The following GFRA2 variants were observed in gnomAD, a reference collection of about 807,000 sequenced individuals.
The protein encoded by GFRA2 is GDNF family receptor alpha-2.
Under a neutral mutation model 48.3 loss-of-function variants are expected in GFRA2, and 17 were observed. That is an observed-to-expected ratio of 0.35 (90% confidence interval 0.24 to 0.53). The LOEUF is 0.53. GFRA2 is among the 20% of genes least tolerant of loss of function. The probability of loss-of-function intolerance (pLI) is 0.93; values close to 1 mark genes in which losing one functional copy is unlikely to be tolerated. For missense variants in GFRA2, 660 were observed against 637.3 expected (o/e 1.04, Z -0.38); for synonymous variants, 305 against 257.2 (o/e 1.19, Z -1.78).
rs1563209422 is a variant in GFRA2, at chr8:21,694,075, T to TATATATATATATATATATATATATA, written c.1272+388_1272+389insTATATATATATATATATATATATAT. Among the ~76,000 whole-genome samples the TATATATATATATATATATATATATA allele has an allele frequency of 2.2e-3, 106 of 49,060 alleles. 1 individual carries two copies. The highest frequency in any genetic ancestry group is 0.014 in the Middle Eastern group (1 of 74). 32.2% of individuals were successfully genotyped at this position (49,060 alleles called of 152,430 possible). Reference sequence around the variant, plus strand: ...TATATTTATATATATATTTATTTATTTTTATATATATATATATTTCCTATA... The same window carrying TATATATATATATATATATATATATA: ...TATATTTATATATATATTTATTTATTATATATATATATATATATATATATATTTATATATATATATATTTCCTATA... On this transcript the variant is annotated intron_variant, in intron 8 of 8. Transcript: ENST00000524240.
chr8:21,785,574 G>A (rs1027143999), intron 1 of GFRA2, among the ~76,000 whole-genome samples: 1 of 152,164 alleles, frequency 6.6e-6, no homozygotes, highest in Admixed American at 6.5e-5. Flanking sequence ...AGGGGTAGAG[G>A]GGGGTGGAGA....
chr8:21,788,880 G>C, upstream of GFRA2: 1 of 790,182 alleles, frequency 1.3e-6, no homozygotes, highest in Non-Finnish European at 1.5e-6. Context: ...GCTCTCCCTC[G>C]CTCTCCTCTC....
At chr8:21,706,350 A>T (rs1369246596) in intron 4 of GFRA2, 1 of 512,742 alleles carries the variant, frequency 2.0e-6, no homozygotes. Context: ...TTTAGGCTGG[A>T]GCCGGGTGGG....
rs1199924237 is a variant in GFRA2, at chr8:21,694,444, C to G, written c.1272+20G>C. On this transcript the variant is annotated intron_variant, in intron 8 of 8. Coordinates refer to ENST00000524240, the MANE Select transcript of GFRA2 (RefSeq NM_001495.5). ...CCGGCCCAGCCTTCTGCACCCATCCCCACTCTGCCCCCAACTCACCTCTGT... is the reference window on the plus strand; with the variant it reads ...CCGGCCCAGCCTTCTGCACCCATCCGCACTCTGCCCCCAACTCACCTCTGT... The G allele has an allele frequency of 6.2e-7, 1 of 1,609,218 alleles. No individual in the cohort carries two copies. Among genetic ancestry groups the G allele is most frequent in the Non-Finnish European group, 8.5e-7 (1 of 1,178,480 alleles).
intron 7 of GFRA2, among the ~76,000 whole-genome samples, chr8:21,700,082 G>C (rs1222896293): frequency 2.6e-5 from 4 of 152,176 alleles, no homozygotes; most frequent in Admixed American, 2.6e-4. Flanking sequence ...ACCAGGTGGA[G>C]AGGAGTGGAC....
At position 21,788,527 on chromosome 8, in the gene GFRA2, G is replaced by A. The variant is rs1319952799; in HGVS notation, c.-368C>T. 102 of 1,034,562 alleles carry A rather than the reference G, an allele frequency of 9.9e-5. No homozygotes were observed. The East Asian group carries it at 7.2e-3, about 73-fold the overall frequency. 64.1% of individuals were successfully genotyped at this position (1,034,562 alleles called of 1,614,324 possible). On this transcript the variant is annotated 5_prime_UTR_variant, in exon 1 of 9. Transcript: ENST00000524240. ...TCCAATTCCCCTGCGCTTCCCAGGA[G>A]GGGCCTGGGGAGGTGGGGAGAGAGG...
intron 3 of GFRA2, among the ~76,000 whole-genome samples, chr8:21,770,914 C>G (rs1806406719): frequency 1.3e-5 from 2 of 152,194 alleles, no homozygotes. Flanking sequence ...TCCTGCCTCC[C>G]CAGGTGAAAC....
chr8:21,783,702 C>G (rs1807127656), intron 1 of GFRA2, among the ~76,000 whole-genome samples: 1 of 151,954 alleles, frequency 6.6e-6, no homozygotes, highest in East Asian at 1.9e-4. Flanking sequence ...TTCCGAGAGA[C>G]AAGTTCCGCC....
Position 21,788,243 on chromosome 8 carries a change from A to C in GFRA2, c.-84T>G, listed in dbSNP as rs1807385281. ...AGTAACAACAACAATAATAATAGGC[A>C]AGCAGTGGTAATCAGCCCCAAATCC... On this transcript the variant is annotated 5_prime_UTR_variant, in exon 1 of 9. Transcript: ENST00000524240. The C allele has an allele frequency of 6.5e-7, 1 of 1,548,578 alleles. No homozygotes were observed. The highest frequency in any genetic ancestry group is 8.7e-7 in the Non-Finnish European group (1 of 1,148,968).
intron 2 of GFRA2, among the ~76,000 whole-genome samples, chr8:21,803,958 T>G (rs2117116915): frequency 6.6e-6 from 1 of 152,324 alleles, no homozygotes; most frequent in Admixed American, 6.5e-5. Flanking sequence ...CCACATCACC[T>G]GTATTATATT....
chr8:21,759,332 G>C (rs1399543027), intron 3 of GFRA2, among the ~76,000 whole-genome samples: 1 of 151,368 alleles, frequency 6.6e-6, no homozygotes, highest in Non-Finnish European at 1.5e-5. Context: ...GTTGCAGAGA[G>C]GCAAGAACGC....
intron 3 of GFRA2, among the ~76,000 whole-genome samples, chr8:21,760,900 G>A (rs975171069): frequency 6.6e-6 from 1 of 152,180 alleles, no homozygotes; most frequent in Admixed American, 6.5e-5. Flanking sequence ...GTTTCGAAAA[G>A]GAGGATGGTC....
intron 7 of GFRA2, among the ~76,000 whole-genome samples, chr8:21,701,550 C>T (rs975744118): frequency 6.6e-6 from 1 of 152,228 alleles, no homozygotes; most frequent in African/African-American, 2.4e-5. Context: ...GCTCTCTCAG[C>T]TGTCCTGCCC....
chr8:21,722,462 GGT>G (rs987807387), intron 4 of GFRA2, among the ~76,000 whole-genome samples: 67 of 152,296 alleles, frequency 4.4e-4, no homozygotes, highest in African/African-American at 1.6e-3. Flanking sequence ...TCTTAGCTGA[GGT>G]TAGTGTTTCA....
chr8:21,771,672 A>G (rs1387480549), intron 3 of GFRA2, among the ~76,000 whole-genome samples: 5 of 152,164 alleles, frequency 3.3e-5, no homozygotes, highest in Admixed American at 6.5e-5. Flanking sequence ...GGAGGCCCCT[A>G]TAACAGGGCC....
chr8:21,714,372 C>T lies in GFRA2; in HGVS notation c.795-8331G>A, dbSNP rs117686996. On this transcript the variant is annotated intron_variant, in intron 4 of 8. Transcript: ENST00000524240. ...CAAACAATTCCTGTGCCTCAGCCAC[C>T]GGAGCAGCTGGAATTATAGGTATGC... Among the ~76,000 whole-genome samples, 36 of 150,824 alleles carry T rather than the reference C, an allele frequency of 2.4e-4. No homozygotes were observed. In the East Asian group the frequency reaches 6.3e-3, roughly 26 times the overall value.
chr8:21,776,740 G>A (rs1259513164), intron 2 of GFRA2, among the ~76,000 whole-genome samples: 1 of 152,030 alleles, frequency 6.6e-6, no homozygotes, highest in African/African-American at 2.4e-5. Context: ...TAAAGTGCTG[G>A]GATTACAGGA....
chr8:21,775,289 C>G (rs1245773246), intron 2 of GFRA2, among the ~76,000 whole-genome samples: 1 of 152,222 alleles, frequency 6.6e-6, no homozygotes, highest in Non-Finnish European at 1.5e-5. Flanking sequence ...GAGAAGCTCC[C>G]TGACAGCAGC....
In GFRA2 at chr8:21,705,996, C is replaced by T. The variant is rs1802723459; in HGVS notation, c.840G>A (p.Gln280=). Residue 280 remains glutamine (Q), a synonymous_variant, in exon 5 of 9, where the codon CAG becomes CAA. Coordinates refer to ENST00000524240, the MANE Select transcript of GFRA2 (RefSeq NM_001495.5). ...DFHANCRASY[Q]TVTSCPADNY... ...TGTCCGCAGGGCAGCTGGTGACCGT[C>T]TGGTAGGAGGCTCGACAATTGGCAT... 1 of 1,580,906 alleles carries T rather than the reference C, an allele frequency of 6.3e-7. No homozygotes were observed. The highest frequency in any genetic ancestry group is 8.6e-7 in the Non-Finnish European group (1 of 1,163,262).
Sources: gnomAD v4.1 joint callset for allele counts (sites outside exome capture counted in the v4.1 genomes callset) on GRCh38, gnomAD v4.1.1 for gene constraint, MANE v1.5 for transcripts, NCBI Gene and HGNC (gene_info 2026-07-23, HGNC 2026-07-21) for gene names.